RABGEF1: variants seen among roughly 807,000 people sequenced by gnomAD.
The protein encoded by RABGEF1 is RAB guanine nucleotide exchange factor 1.
RABGEF1 carries 26 observed loss-of-function variants against 57.3 expected under a neutral mutation model. The observed-to-expected ratio is 0.45, with a 90% CI of 0.33 to 0.63. RABGEF1 has a LOEUF of 0.63. RABGEF1 is among the 20% of genes least tolerant of loss of function. The pLI, the probability that RABGEF1 is intolerant of heterozygous loss-of-function variation, is 0.02. For synonymous variants in RABGEF1, 185 were observed against 210.7 expected (o/e 0.88, Z 1.06); for missense variants, 464 against 607.6 (o/e 0.76, Z 2.48).
At chr7:66,763,023 A>C (rs1804828265) in intron 1 of RABGEF1, among the ~76,000 whole-genome samples, 1 of 152,176 alleles carries the variant, frequency 6.6e-6, no homozygotes, top group South Asian at 2.1e-4. Flanking sequence ...TTTTTAAGAG[A>C]CAAGGTCTCT....
chr7:66,788,065 T>G (rs1005052726), intron 4 of RABGEF1, among the ~76,000 whole-genome samples: 1 of 152,206 alleles, frequency 6.6e-6, no homozygotes, highest in African/African-American at 2.4e-5. Context: ...ATTCTGAAAG[T>G]GTAGCTTGTC....
intron 4 of RABGEF1, among the ~76,000 whole-genome samples, chr7:66,792,633 A>C (rs754723870): frequency 1.3e-5 from 2 of 152,206 alleles, no homozygotes; most frequent in Non-Finnish European, 2.9e-5. Flanking sequence ...GCTGTTTTCT[A>C]TAAAGAAATC....
chr7:66,724,083 T>G (rs1264937042), intron 2 of RABGEF1, among the ~76,000 whole-genome samples: 1 of 151,064 alleles, frequency 6.6e-6, no homozygotes, highest in Non-Finnish European at 1.5e-5. Context: ...CTTAAGAAAT[T>G]TTTTTTTTGT....
intron 2 of RABGEF1, chr7:66,773,663 T>C (rs1237544788): frequency 2.2e-6 from 1 of 452,004 alleles, no homozygotes; most frequent in South Asian, 1.6e-5. Context: ...GCTTGTGCTT[T>C]TTGTTTGTTT....
chr7:66,729,895 C>G (rs1797108509), intron 2 of RABGEF1, among the ~76,000 whole-genome samples: 1 of 152,250 alleles, frequency 6.6e-6, no homozygotes, highest in Non-Finnish European at 1.5e-5. Flanking sequence ...TGGCTTGGCA[C>G]CTGCAGCCAA....
chr7:66,741,859 C>T (rs562478427), intron 1 of RABGEF1, among the ~76,000 whole-genome samples: 7 of 152,132 alleles, frequency 4.6e-5, no homozygotes, highest in Admixed American at 1.3e-4. Flanking sequence ...GTGTTCCGGC[C>T]GGGTGCGGTG....
At chr7:66,715,909 A>G (rs1045489890) in intron 2 of RABGEF1, among the ~76,000 whole-genome samples, 1 of 152,166 alleles carries the variant, frequency 6.6e-6, no homozygotes, top group Non-Finnish European at 1.5e-5. Flanking sequence ...ATGTGCCATC[A>G]TGCCTGGCTA....
intron 3 of RABGEF1, among the ~76,000 whole-genome samples, chr7:66,777,331 G>A (rs965994794): frequency 1.2e-4 from 18 of 152,034 alleles, no homozygotes; most frequent in African/African-American, 4.3e-4. Flanking sequence ...ATTTACCCAA[G>A]GTTGCACAAT....
chr7:66,794,804 G>C (rs1022022908), intron 4 of RABGEF1, among the ~76,000 whole-genome samples: 8 of 152,172 alleles, frequency 5.3e-5, no homozygotes, highest in Non-Finnish European at 1.0e-4. Flanking sequence ...CAGTGAAAGA[G>C]GGGGAGCAAC....
At chr7:66,764,621 G>C (rs1805244935) in intron 1 of RABGEF1, among the ~76,000 whole-genome samples, 1 of 152,152 alleles carries the variant, frequency 6.6e-6, no homozygotes, top group South Asian at 2.1e-4. Flanking sequence ...TTCTGAGTTA[G>C]TTTTTGTACG....
chr7:66,666,150 A>T, the RABGEF1 span: 1 of 152,390 alleles, frequency 6.6e-6, no homozygotes, highest in East Asian at 1.9e-4. Flanking sequence ...GTCAGCCGGC[A>T]AAGTGGGGAC....
intron 1 of RABGEF1, among the ~76,000 whole-genome samples, chr7:66,755,344 GC>G (rs1183586387): frequency 1.3e-5 from 2 of 152,064 alleles, no homozygotes; most frequent in Admixed American, 6.6e-5. Context: ...GGATGGTGAT[GC>G]ACACCTGTAG....
In RABGEF1 at chr7:66,783,735, A is replaced by G; in HGVS notation, c.407A>G (p.Asp136Gly). ...SINRQTSIET[D>G]RVSKEFIEFL... ...AACCGGCAAACCAGCATTGAAACGG[A>G]TAGAGTGTCTAAGGAGTTCATAGAA... The change falls in exon 4 of 9, where the codon GAT (aspartate) becomes GGT (glycine). Residue 136 changes from aspartate (D) to glycine (G), a missense_variant. Physicochemically the swap from Asp to Gly is moderately conservative, Grantham distance 94. Transcript: ENST00000284957. 6.2e-7 allele frequency: 1 copy of G among 1,613,578 alleles called. No individual in the cohort carries two copies. Among genetic ancestry groups the G allele is most frequent in the South Asian group, 1.1e-5 (1 of 91,034 alleles).
At chr7:66,703,484 G>A (rs1402572700) in intron 1 of RABGEF1, among the ~76,000 whole-genome samples, 1 of 152,126 alleles carries the variant, frequency 6.6e-6, no homozygotes, top group Non-Finnish European at 1.5e-5. Context: ...ACATGAGGTG[G>A]GGTAAAGGTC....
In RABGEF1 at chr7:66,769,019, G is replaced by A. The variant is rs1346491248; in HGVS notation, c.-17-2864G>A. On this transcript the variant is annotated intron_variant, in intron 1 of 8. Transcript: ENST00000284957. ...TGGGCACTGTGGCTCAAGAGAAGGA[G>A]GAGATGGTAAGTGGGGGGATCCCCA... 6.6e-5 allele frequency: 10 copies of A among 152,210 alleles called. No individual in the cohort carries two copies. The East Asian group carries it at 9.6e-4, about 15-fold the overall frequency. The allele number at this position is 152,210 out of a possible 1,614,324, so 9.4% of individuals were successfully genotyped here.
chr7:66,705,703 T>G (rs1175146550), intron 1 of RABGEF1, among the ~76,000 whole-genome samples: 3 of 151,566 alleles, frequency 2.0e-5, no homozygotes, highest in East Asian at 1.9e-4. Flanking sequence ...GTGTTTTTTT[T>G]TTTGTTTTTT....
chr7:66,753,433 G>C (rs1472079130), intron 1 of RABGEF1, among the ~76,000 whole-genome samples: 2 of 152,068 alleles, frequency 1.3e-5, no homozygotes, highest in Admixed American at 1.3e-4. Context: ...TTTCCCCCAG[G>C]GCTGCTGTAA....
intron 1 of RABGEF1, among the ~76,000 whole-genome samples, chr7:66,757,436 A>C (rs1170654149): frequency 2.6e-5 from 4 of 152,220 alleles, no homozygotes; most frequent in Non-Finnish European, 5.9e-5. Flanking sequence ...ACATAGTCAT[A>C]TCTCTCATAT....
At chr7:66,718,403 CA>C (rs1795639795) in intron 2 of RABGEF1, among the ~76,000 whole-genome samples, 1 of 152,080 alleles carries the variant, frequency 6.6e-6, no homozygotes, top group African/African-American at 2.4e-5. Flanking sequence ...TTGGTAATTC[CA>C]ACATCTGTGC....
Sources: allele counts gnomAD v4.1 joint callset (sites outside exome capture counted in the v4.1 genomes callset), GRCh38; gene constraint gnomAD v4.1.1; transcripts MANE v1.5; gene names NCBI Gene and HGNC (gene_info 2026-07-23, HGNC 2026-07-21).